PIWIL3: variants seen among roughly 807,000 people sequenced by gnomAD.
PIWIL3 encodes the protein piwi-like protein 3.
PIWIL3 carries 101 observed loss-of-function variants against 109.7 expected under a neutral mutation model. The observed-to-expected ratio is 0.92, with a 90% CI of 0.78 to 1.09. The LOEUF (loss-of-function observed/expected upper bound fraction) is 1.09, where lower values mean the gene tolerates loss of function less well. Ranked by LOEUF, PIWIL3 falls within the 50% of genes least tolerant of loss-of-function variation. The pLI, the probability that PIWIL3 is intolerant of heterozygous loss-of-function variation, is 0.00. For missense variants in PIWIL3, 1,031 were observed against 1,072.6 expected, an observed-to-expected ratio of 0.96 and a Z score of 0.54; for synonymous variants, 373 against 376.4, an observed-to-expected ratio of 0.99 and a Z score of 0.10.
intron 1 of PIWIL3, 152 bp from the exon 2 acceptor site, chr22:24,762,673 T>G: frequency 1.5e-6 from 1 of 674,030 alleles, no homozygotes. Context: ...AGTCCAAGAC[T>G]GGGCAGCCCA....
chr22:24,753,663 T>C (rs560797305), intron 8 of PIWIL3, among the ~76,000 whole-genome samples: 100 of 152,234 alleles, frequency 6.6e-4, no homozygotes, highest in Admixed American at 1.8e-3. Context: ...ATTTTAAAAC[T>C]TCCTTCAAAT....
At chr22:24,742,151 C>CA (rs61071998) in intron 12 of PIWIL3, among the ~76,000 whole-genome samples, 9,152 of 94,382 alleles carry the variant, frequency 0.097, 726 homozygotes, top group African/African-American at 0.2. Context: ...ACAATAGCTG[C>CA]AAAAAAAAAA....
chr22:24,720,290 T>TTTTTTAA (rs1491484822), intron 19 of PIWIL3, among the ~76,000 whole-genome samples: 1 of 124,854 alleles, frequency 8.0e-6, no homozygotes, highest in African/African-American at 2.9e-5. Flanking sequence ...TTTTTTTTTT[T>TTTTTTAA]AGACGGAGTC....
At chr22:24,757,079 C>CAAAAAAAAAAAAAAA (rs71189275) in intron 4 of PIWIL3, among the ~76,000 whole-genome samples, 96 of 91,686 alleles carry the variant, frequency 1.0e-3, no homozygotes, top group Admixed American at 1.5e-3. Flanking sequence ...AACTCCGTCT[C>CAAAAAAAAAAAAAAA]AAAAAAAAAA....
Position 24,726,742 on chromosome 22 carries a change from A to G in PIWIL3, c.2009+1208T>C, listed in dbSNP as rs142944381. Among the ~76,000 whole-genome samples the G allele has an allele frequency of 7.2e-5, 11 of 152,360 alleles. No individual in the cohort carries two copies. The East Asian group carries it at 2.1e-3, about 29-fold the overall frequency. On this transcript the variant is annotated intron_variant, in intron 16 of 20. Coordinates refer to ENST00000616349, the MANE Select transcript of PIWIL3 (RefSeq NM_001255975.1). ...AACGCTATTTTCAAACAAAAAGTAG[A>G]GCAAAACAATATTATCATATTGAAG...
At chr22:24,747,775 G>T (rs1028495387) in intron 12 of PIWIL3, among the ~76,000 whole-genome samples, 1 of 152,112 alleles carries the variant, frequency 6.6e-6, no homozygotes, top group African/African-American at 2.4e-5. Context: ...TGCAAGACAA[G>T]CAATAACAAA....
intron 1 of PIWIL3, 84 bp downstream of exon 1, chr22:24,774,238 C>T (rs1211911277): frequency 1.3e-5 from 2 of 152,252 alleles, no homozygotes; most frequent in African/African-American, 4.8e-5. Flanking sequence ...TGAACCTCCA[C>T]CCCCTTTCTT....
At chr22:24,725,120 C>G in intron 17 of PIWIL3, 83 bp from the exon 18 acceptor site, 5 of 1,509,714 alleles carry the variant, frequency 3.3e-6, no homozygotes, top group Non-Finnish European at 4.5e-6. Flanking sequence ...CTAGGTCCAT[C>G]TTTCAACACT....
chr22:24,730,951 T>G (rs1468029124), intron 14 of PIWIL3, among the ~76,000 whole-genome samples: 1 of 152,188 alleles, frequency 6.6e-6, no homozygotes, highest in Non-Finnish European at 1.5e-5. Flanking sequence ...CAGGCCAGTT[T>G]TTACTAATGT....
chr22:24,758,370 G>A (rs951279457), intron 3 of PIWIL3, among the ~76,000 whole-genome samples: 5 of 152,028 alleles, frequency 3.3e-5, no homozygotes, highest in Non-Finnish European at 5.9e-5. Context: ...GCCCCCTAGT[G>A]GGCATCATAA....
intron 12 of PIWIL3, among the ~76,000 whole-genome samples, chr22:24,744,198 A>AAAAAAAAAAC (rs1924207259): frequency 2.7e-5 from 4 of 148,392 alleles, no homozygotes; most frequent in Non-Finnish European, 4.5e-5. Flanking sequence ...AAAAAAAAAA[A>AAAAAAAAAAC]AAAAAAAAAC....
At position 24,767,377 on chromosome 22, in the gene PIWIL3, A is replaced by AT. The variant is rs1257680233; in HGVS notation, c.-22-4857_-22-4856insA. 7.3e-3 allele frequency among the ~76,000 whole-genome samples: 1,044 copies of AT among 143,806 alleles called. 12 individuals are homozygous for AT. Among genetic ancestry groups the AT allele is most frequent in the African/African-American group, 0.025 (971 of 38,488 alleles). The allele number at this position is 143,806 out of a possible 152,430, so 94.3% of individuals were successfully genotyped here. ...ATGGTGAAACCCCGTCTCTACTAAA[A>AT]AAAATAAATAAATAAATAAATAAAT... is the stretch of plus-strand genomic sequence containing the variant. On this transcript the variant is annotated intron_variant, in intron 1 of 20. Transcript: ENST00000616349.
chr22:24,759,447 T>C (rs1409876964), intron 3 of PIWIL3, among the ~76,000 whole-genome samples: 2 of 152,152 alleles, frequency 1.3e-5, no homozygotes, highest in East Asian at 3.9e-4. Flanking sequence ...AATGACAATA[T>C]CTGAGCCTGT....
intron 12 of PIWIL3, among the ~76,000 whole-genome samples, chr22:24,744,914 C>T (rs191411165): frequency 2.2e-4 from 34 of 152,268 alleles, no homozygotes; most frequent in African/African-American, 8.2e-4. Flanking sequence ...AGATTTCAGC[C>T]AATAGCTGCA....
rs1029647988 is a variant in PIWIL3 at position 24,725,645 on chromosome 22, C to T, written c.2010-130G>A. 14 of 887,192 alleles carry T rather than the reference C, an allele frequency of 1.6e-5. 1 individual carries two copies. The Middle Eastern group carries it at 1.1e-3, about 71-fold the overall frequency. 55.0% of individuals were successfully genotyped at this position (887,192 alleles called of 1,614,324 possible). A position where few individuals can be genotyped will look rare whatever the true frequency, so the allele number is the denominator to read the frequency against. ...ATTTTAGCATCAATTCATATCTCTA[C>T]GGAGATCAAAGTATTGGTCTCTTTT... On this transcript the variant is annotated intron_variant, in intron 16 of 20. Coordinates refer to ENST00000616349, the MANE Select transcript of PIWIL3 (RefSeq NM_001255975.1).
intron 14 of PIWIL3, among the ~76,000 whole-genome samples, chr22:24,729,138 C>G (rs557482352): frequency 1.3e-5 from 2 of 152,286 alleles, no homozygotes; most frequent in African/African-American, 4.8e-5. Context: ...GACAGGCCTG[C>G]AGCTGCACAG....
rs999830033 is a variant in PIWIL3 at position 24,767,733 on chromosome 22, C to T, written c.-22-5212G>A. 4.6e-5 allele frequency among the ~76,000 whole-genome samples: 7 copies of T among 152,142 alleles called. 1 individual carries two copies. Among genetic ancestry groups the T allele is most frequent in the South Asian group, 4.2e-4 (2 of 4,816 alleles). On this transcript the variant is annotated intron_variant, in intron 1 of 20. Coordinates refer to ENST00000616349, the MANE Select transcript of PIWIL3 (RefSeq NM_001255975.1). The stretch of plus-strand genomic sequence containing the variant: ...ACCGAAAATTTTCCAAAATTAAAAA[C>T]AGAATTAAATCACAGATCCAGGAAG...
At chr22:24,740,005 G>A (rs148073434) in intron 12 of PIWIL3, among the ~76,000 whole-genome samples, 1 of 144,754 alleles carries the variant, frequency 6.9e-6, no homozygotes, top group African/African-American at 2.6e-5. Context: ...GAGCCAAGAT[G>A]GTGCCCACTG....
chr22:24,755,573 T>C (rs1924976297), intron 6 of PIWIL3, among the ~76,000 whole-genome samples: 1 of 152,216 alleles, frequency 6.6e-6, no homozygotes, highest in Non-Finnish European at 1.5e-5. Context: ...AGAACGGGCA[T>C]CGGCCAGGAG....
Sources: allele counts gnomAD v4.1 joint callset (sites outside exome capture counted in the v4.1 genomes callset), GRCh38; gene constraint gnomAD v4.1.1; transcripts MANE v1.5; gene names NCBI Gene and HGNC (gene_info 2026-07-23, HGNC 2026-07-21).